Variants in SLC10A2 observed in about 807,000 individuals in gnomAD.
SLC10A2 encodes solute carrier family 10 member 2, also known as ileal sodium/bile acid cotransporter.
SLC10A2 carries 34 observed loss-of-function variants against 27.1 expected under a neutral mutation model. The observed-to-expected ratio is 1.26, with a 90% confidence interval of 0.96 to 1.67. SLC10A2 has a LOEUF of 1.67. SLC10A2 is among the 40% of genes most tolerant of loss of function. The probability of loss-of-function intolerance (pLI) is 0.00; values close to 1 mark genes in which losing one functional copy is unlikely to be tolerated. For synonymous variants in SLC10A2, 205 were observed against 174.0 expected, an observed-to-expected ratio of 1.18 and a Z score of -1.40; for missense variants, 530 against 444.4, an observed-to-expected ratio of 1.19 and a Z score of -1.73.
intron 4 of SLC10A2, among the ~76,000 whole-genome samples, chr13:103,050,474 C>T (rs1038587176): frequency 6.6e-6 from 1 of 152,162 alleles, no homozygotes; most frequent in Non-Finnish European, 1.5e-5. Flanking sequence ...AAGTGTGAAA[C>T]CCATTTTAAT....
intron 1 of SLC10A2, 75 bp downstream of exon 1, chr13:103,065,798 C>T: frequency 1.9e-6 from 3 of 1,547,486 alleles, no homozygotes; most frequent in South Asian, 2.2e-5. Context: ...ATCAGTTGGA[C>T]ATTCAGAATG....
intron 2 of SLC10A2, among the ~76,000 whole-genome samples, chr13:103,057,538 T>G (rs1338732966): frequency 6.6e-6 from 1 of 152,184 alleles, no homozygotes; most frequent in Non-Finnish European, 1.5e-5. Context: ...GTTGTAACAC[T>G]CTGGATTGCT....
chr13:103,056,771 G>T (rs555616752), intron 2 of SLC10A2, among the ~76,000 whole-genome samples: 3 of 152,108 alleles, frequency 2.0e-5, no homozygotes, highest in East Asian at 1.9e-4. Context: ...TGATATTAAG[G>T]TTCTCTCCTG....
chr13:103,058,145 A>G lies in SLC10A2; in HGVS notation c.496+119T>C, dbSNP rs1348912788. 1.4e-5 allele frequency: 11 copies of G among 774,428 alleles called. No individual in the cohort carries two copies. In the South Asian group the frequency reaches 1.5e-4, roughly 10 times the overall value. The allele number at this position is 774,428 out of a possible 1,614,324, so 48.0% of individuals were successfully genotyped here. On this transcript the variant is annotated intron_variant, in intron 2 of 5. Transcript: ENST00000245312. ...GCAGGGGTGACTTTATAATGAAATCAGGCAAAAACTCCTACTAGGGCAATA... is the reference window on the plus strand; with the variant it reads ...GCAGGGGTGACTTTATAATGAAATCGGGCAAAAACTCCTACTAGGGCAATA...
At chr13:103,048,249 G>T (rs1325013649) in intron 5 of SLC10A2, among the ~76,000 whole-genome samples, 1 of 152,076 alleles carries the variant, frequency 6.6e-6, no homozygotes, top group Non-Finnish European at 1.5e-5. Flanking sequence ...AAATTAGCCT[G>T]TCATGGTGGC....
intron 4 of SLC10A2, 112 bp from the exon 5 acceptor site, chr13:103,049,558 C>A: frequency 2.8e-6 from 3 of 1,075,388 alleles, no homozygotes; most frequent in Non-Finnish European, 4.2e-6. Context: ...GCTTTTAATG[C>A]ATGTATTTAA....
intron 1 of SLC10A2, 136 bp from the exon 2 acceptor site, chr13:103,058,518 T>C: frequency 4.4e-6 from 3 of 682,888 alleles, no homozygotes; most frequent in Non-Finnish European, 8.0e-6. Context: ...GGTCAACTTG[T>C]GTCATGGGGG....
At chr13:103,060,529 C>A (rs151203581) in intron 1 of SLC10A2, among the ~76,000 whole-genome samples, 2,918 of 151,992 alleles carry the variant, frequency 0.019, 35 homozygotes, top group East Asian at 0.048. Context: ...GCATGAGCCA[C>A]CATGCCAGGC....
chr13:103,046,136 C>T lies in SLC10A2; in HGVS notation c.1044G>A (p.Lys348=), dbSNP rs1226580741. The T allele has an allele frequency of 3.1e-6, 5 of 1,613,798 alleles. No individual in the cohort carries two copies. The Admixed American group carries it at 6.7e-5, about 22-fold the overall frequency. ...GTCTGTTTTGTCCACTTGATGTCTA[C>T]TTTTCGTCAGGTTGAAATCCTCCAT... The part of the protein sequence containing the change: ...KANGGFQPDE[K] The change falls in exon 6 of 6, where the codon AAG becomes AAA. Residue 348 remains lysine, a synonymous_variant. Transcript: ENST00000245312.
At chr13:103,056,010 C>T (rs867889892) in intron 2 of SLC10A2, among the ~76,000 whole-genome samples, 4 of 152,208 alleles carry the variant, frequency 2.6e-5, no homozygotes, top group East Asian at 1.9e-4. Flanking sequence ...AAATTATTAG[C>T]CAGTCAGGTT....
chr13:103,059,980 G>C (rs182032573), intron 1 of SLC10A2, among the ~76,000 whole-genome samples: 1 of 152,172 alleles, frequency 6.6e-6, no homozygotes, highest in African/African-American at 2.4e-5. Flanking sequence ...GTGTTCAGAA[G>C]AACTAGTGTC....
intron 5 of SLC10A2, 81 bp from the exon 6 acceptor site, chr13:103,046,341 T>A: frequency 8.6e-7 from 1 of 1,162,332 alleles, no homozygotes; most frequent in South Asian, 1.3e-5. Context: ...TTATAACCTA[T>A]GATTCACATG....
chr13:103,044,685 G>A lies in SLC10A2; in HGVS notation c.*1448C>T, dbSNP rs1199263811. On this transcript the variant is annotated 3_prime_UTR_variant, in exon 6 of 6. Transcript: ENST00000245312. The stretch of plus-strand genomic sequence containing the variant: ...CCAGCAGAATCTGAACTCAGAACAT[G>A]CAAATGCAAAAAGCCCTTTCAGCCA... 2.0e-5 allele frequency: 3 copies of A among 152,150 alleles called. No homozygotes were observed. The highest frequency in any genetic ancestry group is 6.6e-5 in the Admixed American group (1 of 15,254). The allele number at this position is 152,150 out of a possible 1,614,324, so 9.4% of individuals were successfully genotyped here. A position where few individuals can be genotyped will look rare whatever the true frequency, so the allele number is the denominator to read the frequency against.
intron 1 of SLC10A2, among the ~76,000 whole-genome samples, chr13:103,062,739 C>T (rs1933237442): frequency 6.6e-6 from 1 of 151,910 alleles, no homozygotes; most frequent in Non-Finnish European, 1.5e-5. Context: ...AGCATTTGCC[C>T]AAAGAACAAA....
At position 103,066,105 on chromosome 13, in the gene SLC10A2, T is replaced by C; in HGVS notation, c.145A>G (p.Met49Val). The C allele has an allele frequency of 1.9e-6, 3 of 1,614,080 alleles. No homozygotes were observed. Among genetic ancestry groups the C allele is most frequent in the Non-Finnish European group, 2.5e-6 (3 of 1,179,990 alleles). The stretch of plus-strand genomic sequence containing the variant: ...TTCTTGATTTCCACGTTGCATCCCA[T>C]GGAGAACATCACCAAGGCCAACAGG... ...TILLALVMFS[M>V]GCNVEIKKFL... The change falls in exon 1 of 6, where the codon ATG becomes GTG. Residue 49 changes from methionine to valine, a missense_variant. By Grantham distance (21) the Met-to-Val change is conservative. Coordinates refer to ENST00000245312, the MANE Select transcript of SLC10A2 (RefSeq NM_000452.3).
chr13:103,063,232 A>C (rs908886533), intron 1 of SLC10A2, among the ~76,000 whole-genome samples: 1 of 152,016 alleles, frequency 6.6e-6, no homozygotes, highest in African/African-American at 2.4e-5. Context: ...TTTCAAAGTC[A>C]CTAGAGATTG....
chr13:103,051,491 G>T (rs555578202), intron 3 of SLC10A2, 59 bp from the exon 4 acceptor site: 1 of 1,572,860 alleles, frequency 6.4e-7, no homozygotes, highest in African/African-American at 1.4e-5. Flanking sequence ...ATCCAAGTAT[G>T]TTTGTCAGAG....
chr13:103,052,568 T>G, intron 3 of SLC10A2, 52 bp downstream of exon 3: 1 of 1,242,118 alleles, frequency 8.1e-7, no homozygotes, highest in Non-Finnish European at 1.2e-6. Context: ...GAAAACCCTA[T>G]GGTTTTGATT....
intron 1 of SLC10A2, among the ~76,000 whole-genome samples, chr13:103,059,670 C>T (rs1566514571): frequency 2.6e-5 from 4 of 152,110 alleles, no homozygotes; most frequent in Non-Finnish European, 2.9e-5. Context: ...GCTGGGTGTG[C>T]CATCCTTCAA....
Sources: allele counts gnomAD v4.1 joint callset (sites outside exome capture counted in the v4.1 genomes callset), GRCh38; gene constraint gnomAD v4.1.1; transcripts MANE v1.5; gene names NCBI Gene and HGNC (gene_info 2026-07-23, HGNC 2026-07-21).